The following CNNM1 variants were observed in gnomAD, a reference collection of about 807,000 sequenced individuals.
CNNM1 encodes cyclin and CBS domain divalent metal cation transport mediator 1, also known as metal transporter CNNM1.
A neutral mutation model predicts 78.8 loss-of-function variants in CNNM1; 44 were observed. The ratio of observed to expected loss-of-function variants is 0.56; its 90% CI spans 0.44 to 0.72. CNNM1 has a LOEUF of 0.72. Among genes scored for constraint, CNNM1 ranks in the 30% least tolerant of loss-of-function variants. CNNM1 has a pLI of 0.00. For missense variants in CNNM1, 1,101 were observed against 1,292.2 expected (o/e 0.85, Z 2.27); for synonymous variants, 584 against 581.5 (o/e 1.00, Z -0.06).
intron 7 of CNNM1, among the ~76,000 whole-genome samples, chr10:99,382,866 A>G (rs538885773): frequency 6.6e-6 from 1 of 152,338 alleles, no homozygotes; most frequent in South Asian, 2.1e-4. Flanking sequence ...CTTGCTTTTC[A>G]CTACTTTCAG....
At chr10:99,369,435 A>G (rs1287875379) in intron 6 of CNNM1, among the ~76,000 whole-genome samples, 2 of 152,148 alleles carry the variant, frequency 1.3e-5, no homozygotes, top group Non-Finnish European at 2.9e-5. Context: ...ATCCCTTATC[A>G]CGTTGCTGGG....
chr10:99,381,744 A>C lies in CNNM1; in HGVS notation c.2340+4526A>C, dbSNP rs77910152. 3.4e-5 allele frequency among the ~76,000 whole-genome samples: 5 copies of C among 146,400 alleles called. No individual in the cohort carries two copies. In the East Asian group the frequency reaches 9.8e-4, roughly 29 times the overall value. On this transcript the variant is annotated intron_variant, in intron 7 of 10. Transcript: ENST00000356713. ...GGCGACAAGAGCGAAACTCCGTCTC[A>C]AAAAAAAAAACCAAAAAACAAAAAA...
intron 6 of CNNM1, among the ~76,000 whole-genome samples, chr10:99,366,137 G>T (rs2031610984): frequency 1.3e-5 from 2 of 152,238 alleles, no homozygotes; most frequent in Admixed American, 1.3e-4. Flanking sequence ...AGTGTGAAGA[G>T]TGGCAGAACT....
chr10:99,330,084 C>T lies in CNNM1; in HGVS notation c.697C>T (p.Leu233=). Residue 233 remains leucine, a synonymous_variant, in exon 1 of 11, where the codon CTA becomes TTA. Transcript: ENST00000356713. ...WLRALGALLL[L]ALSALFSGLR... is the part of the protein sequence containing the mutation. ...GCGGGCGCTCGGGGCGCTCCTGCTG[C>T]TAGCCTTGTCGGCCCTGTTCAGCGG... 5 of 1,537,196 alleles carry T rather than the reference C, an allele frequency of 3.3e-6. No individual in the cohort carries two copies. Among genetic ancestry groups the T allele is most frequent in the Non-Finnish European group, 4.3e-6 (5 of 1,150,462 alleles).
Position 99,329,574 on chromosome 10 carries a change from C to T in CNNM1, c.187C>T (p.Arg63Cys). The change falls in exon 1 of 11, where the codon CGC (arginine) becomes TGC (cysteine). Residue 63 changes from arginine (R) to cysteine (C), a missense_variant. Arg to Cys is a radical substitution (Grantham distance 180). Transcript: ENST00000356713. ...CGTGTCCCTGGAGGGGGGCACCCTG[C>T]GCGCCGCCGAAGGCACCAGCTTCCT... ...GRVSLEGGTL[R>C]AAEGTSFLLR... 3 of 1,523,388 alleles carry T rather than the reference C, an allele frequency of 2.0e-6. No homozygotes were observed. Among genetic ancestry groups the T allele is most frequent in the South Asian group, 2.5e-5 (2 of 81,076 alleles). The allele number at this position is 1,523,388 out of a possible 1,614,324, so 94.4% of individuals were successfully genotyped here. A position where few individuals can be genotyped will look rare whatever the true frequency, so the allele number is the denominator to read the frequency against.
intron 6 of CNNM1, 43 bp from the exon 7 acceptor site, chr10:99,377,012 A>G: frequency 1.2e-6 from 1 of 802,760 alleles, no homozygotes; most frequent in Non-Finnish European, 1.7e-6. Flanking sequence ...CTTCCTCCCC[A>G]CCCATCCCTC....
chr10:99,374,371 TAAAC>T (rs2134065872), intron 6 of CNNM1, among the ~76,000 whole-genome samples: 1 of 152,334 alleles, frequency 6.6e-6, no homozygotes, highest in African/African-American at 2.4e-5. Context: ...ATGCCCTTAT[TAAAC>T]AAACAGTCTT....
At chr10:99,337,475 T>G (rs7914148) in intron 1 of CNNM1, among the ~76,000 whole-genome samples, 130,783 of 152,260 alleles carry the variant, frequency 0.86, 56,452 homozygotes, top group African/African-American at 0.93. Flanking sequence ...TTTATTCACA[T>G]TGCACTTCTG....
At chr10:99,365,154 C>T in intron 6 of CNNM1, 152 bp downstream of exon 6, 1 of 763,036 alleles carries the variant, frequency 1.3e-6, no homozygotes, top group Non-Finnish European at 2.3e-6. Context: ...ACACTGCTTC[C>T]TGCCAGGTAC....
At chr10:99,391,123 A>T (rs1339722698) in intron 10 of CNNM1, among the ~76,000 whole-genome samples, 2 of 152,234 alleles carry the variant, frequency 1.3e-5, no homozygotes, top group East Asian at 3.9e-4. Context: ...CTGGCCCCCA[A>T]GGGGCGCAGG....
At chr10:99,384,104 A>G (rs184962769) in intron 7 of CNNM1, among the ~76,000 whole-genome samples, 3 of 152,344 alleles carry the variant, frequency 2.0e-5, no homozygotes, top group African/African-American at 7.2e-5. Context: ...TGTGACTACT[A>G]GAAAACTTTG....
intron 1 of CNNM1, among the ~76,000 whole-genome samples, chr10:99,336,536 C>G (rs2030196545): frequency 6.6e-6 from 1 of 152,194 alleles, no homozygotes; most frequent in Non-Finnish European, 1.5e-5. Context: ...ATTTGTTCCA[C>G]TTAGGTTATT....
Position 99,366,402 on chromosome 10 carries a change from G to T in CNNM1, c.2176+1400G>T, listed in dbSNP as rs1202935533. Reference sequence around the variant, plus strand: ...TGTGATCTCTTCCAGAAGACTAAAAGAGGTGGAAATTCTGAGAAAAAAAGA... The same window carrying T: ...TGTGATCTCTTCCAGAAGACTAAAATAGGTGGAAATTCTGAGAAAAAAAGA... On this transcript the variant is annotated intron_variant, in intron 6 of 10. Coordinates refer to ENST00000356713, the MANE Select transcript of CNNM1 (RefSeq NM_020348.3). 3.3e-5 allele frequency among the ~76,000 whole-genome samples: 5 copies of T among 151,452 alleles called. No individual in the cohort carries two copies. The East Asian group carries it at 9.7e-4, about 29-fold the overall frequency.
chr10:99,331,234 C>T (rs1371012008), intron 1 of CNNM1, among the ~76,000 whole-genome samples: 1 of 152,176 alleles, frequency 6.6e-6, no homozygotes, highest in African/African-American at 2.4e-5. Context: ...TTTTCCAAGG[C>T]CTACCAAATG....
intron 3 of CNNM1, among the ~76,000 whole-genome samples, 182 bp downstream of exon 3, chr10:99,361,157 C>A (rs1397118591): frequency 6.6e-6 from 1 of 152,132 alleles, no homozygotes; most frequent in East Asian, 1.9e-4. Context: ...GTATTGAGCC[C>A]CAGGCCTGAT....
In CNNM1 at chr10:99,329,579, C is replaced by T. The variant is rs746988712; in HGVS notation, c.192C>T (p.Ala64=). The change falls in exon 1 of 11, where the codon GCC becomes GCT. Residue 64 remains alanine, a synonymous_variant. Coordinates refer to ENST00000356713, the MANE Select transcript of CNNM1 (RefSeq NM_020348.3). ...RVSLEGGTLR[A]AEGTSFLLRV... ...CCCTGGAGGGGGGCACCCTGCGCGC[C>T]GCCGAAGGCACCAGCTTCCTCCTGC... 3.9e-6 allele frequency: 6 copies of T among 1,523,992 alleles called. No individual in the cohort carries two copies. The Admixed American group carries it at 1.2e-4, about 31-fold the overall frequency. The allele number at this position is 1,523,992 out of a possible 1,614,324, so 94.4% of individuals were successfully genotyped here.
At chr10:99,352,343 T>C (rs570637865) in intron 1 of CNNM1, among the ~76,000 whole-genome samples, 2 of 152,270 alleles carry the variant, frequency 1.3e-5, no homozygotes, top group Non-Finnish European at 2.9e-5. Flanking sequence ...TGTATTGATA[T>C]AACACATTTT....
intron 1 of CNNM1, among the ~76,000 whole-genome samples, chr10:99,354,102 T>A (rs1418331779): frequency 6.6e-6 from 1 of 152,174 alleles, no homozygotes; most frequent in Non-Finnish European, 1.5e-5. Flanking sequence ...TTTTAAGAAA[T>A]CACTTTTCCA....
chr10:99,329,777 G>A lies in CNNM1; in HGVS notation c.390G>A (p.Pro130=). 1 of 1,490,646 alleles carries A rather than the reference G, an allele frequency of 6.7e-7. No individual in the cohort carries two copies. Among genetic ancestry groups the A allele is most frequent in the African/African-American group, 1.5e-5 (1 of 68,702 alleles). 92.3% of individuals were successfully genotyped at this position (1,490,646 alleles called of 1,614,324 possible). A position where few individuals can be genotyped will look rare whatever the true frequency, so the allele number is the denominator to read the frequency against. The part of the protein sequence containing the change: ...PSAVPTRPPG[P]QRCREQSDWA... ...CGGTCCCCACTCGCCCCCCGGGACC[G>A]CAGCGCTGCAGGGAGCAGAGCGACT... The change falls in exon 1 of 11, where the codon CCG becomes CCA. Residue 130 remains proline (P), a synonymous_variant. Coordinates refer to ENST00000356713, the MANE Select transcript of CNNM1 (RefSeq NM_020348.3).
Sources: allele counts gnomAD v4.1 joint callset (sites outside exome capture counted in the v4.1 genomes callset), GRCh38; gene constraint gnomAD v4.1.1; transcripts MANE v1.5; gene names NCBI Gene and HGNC (gene_info 2026-07-23, HGNC 2026-07-21).